The following BLTP1 variants were observed in gnomAD, a reference collection of about 807,000 sequenced individuals.
The protein encoded by BLTP1 is bridge-like lipid transfer protein family member 1.
chr4:122,227,661 ATTAG>A, the BLTP1 span: 1 of 184,340 alleles, frequency 5.4e-6, no homozygotes, highest in Admixed American at 6.5e-5. Context: ...GTGAATTGAA[ATTAG>A]TTCATCCTAC....
the BLTP1 span, chr4:122,196,599 T>C: frequency 6.5e-7 from 1 of 1,538,732 alleles, no homozygotes; most frequent in Non-Finnish European, 8.8e-7. Flanking sequence ...TTTGTTTGAA[T>C]AACATGTCAT....
chr4:122,217,250 G>A, the BLTP1 span, among the ~76,000 whole-genome samples: 17 of 152,122 alleles, frequency 1.1e-4, no homozygotes, highest in Non-Finnish European at 2.5e-4. Context: ...TTTTGGTAAT[G>A]ATAGCCTTGT....
At chr4:122,161,129 G>T in the BLTP1 span, 39 of 984,300 alleles carry the variant, frequency 4.0e-5, no homozygotes, top group South Asian at 1.4e-4. Context: ...TCTAAAGTTG[G>T]TTTATTTTCC....
chr4:122,152,433 G>A, the BLTP1 span: 2 of 985,848 alleles, frequency 2.0e-6, no homozygotes, highest in Non-Finnish European at 2.4e-6. Context: ...GGCCCCGGGC[G>A]GCGGGGCTAA....
chr4:122,183,732 A>AT, the BLTP1 span, among the ~76,000 whole-genome samples: 1 of 152,116 alleles, frequency 6.6e-6, no homozygotes, highest in Non-Finnish European at 1.5e-5. Flanking sequence ...GAGAAGATCA[A>AT]TTTTTTCCAA....
At chr4:122,200,962 G>A in the BLTP1 span, 5 of 1,592,548 alleles carry the variant, frequency 3.1e-6, no homozygotes, top group Non-Finnish European at 4.3e-6. Flanking sequence ...TTCACACAGT[G>A]TCACATTTTA....
chr4:122,229,002 G>A, the BLTP1 span: 3 of 856,496 alleles, frequency 3.5e-6, no homozygotes, highest in South Asian at 4.8e-5. Flanking sequence ...AAATTAGACT[G>A]ATTTTTAAAA....
the BLTP1 span, chr4:122,270,356 A>C: frequency 1.0e-6 from 1 of 984,734 alleles, no homozygotes; most frequent in Non-Finnish European, 1.2e-6. Flanking sequence ...ACCTTTTTAC[A>C]GTTTTGGTGC....
At chr4:122,254,892 G>A in the BLTP1 span, 2 of 1,613,754 alleles carry the variant, frequency 1.2e-6, no homozygotes, top group Non-Finnish European at 1.7e-6. Context: ...TAAACAAATT[G>A]GAAACTGAGG....
chr4:122,181,865 A>T, the BLTP1 span, among the ~76,000 whole-genome samples: 3 of 152,120 alleles, frequency 2.0e-5, no homozygotes, highest in African/African-American at 4.8e-5. Flanking sequence ...CTCTTCACCA[A>T]TGTTGTGCTC....
At chr4:122,282,302 A>G in the BLTP1 span, among the ~76,000 whole-genome samples, 1 of 152,178 alleles carries the variant, frequency 6.6e-6, no homozygotes, top group Non-Finnish European at 1.5e-5. Flanking sequence ...CTGTGAACTC[A>G]CCAACCCACA....
At chr4:122,341,168 TAGG>T in the BLTP1 span, among the ~76,000 whole-genome samples, 1 of 152,094 alleles carries the variant, frequency 6.6e-6, no homozygotes, top group Non-Finnish European at 1.5e-5. Flanking sequence ...GATATATTCT[TAGG>T]AGAAATTCTT....
chr4:122,286,758 G>A, the BLTP1 span: 4 of 1,613,158 alleles, frequency 2.5e-6, no homozygotes, highest in African/African-American at 4.0e-5. Context: ...ACTATTTACA[G>A]GGAAATTATC....
the BLTP1 span, chr4:122,325,238 T>C: frequency 6.2e-7 from 1 of 1,601,730 alleles, no homozygotes; most frequent in Non-Finnish European, 8.5e-7. Flanking sequence ...AGTTCTCGAG[T>C]AGGAGAAACT....
chr4:122,255,123 G>T, the BLTP1 span: 2 of 1,598,406 alleles, frequency 1.3e-6, no homozygotes, highest in Non-Finnish European at 1.7e-6. Context: ...GTTGTTTCTT[G>T]ATTTTAGAAT....
chr4:122,351,286 A>G, the BLTP1 span: 1 of 899,780 alleles, frequency 1.1e-6, no homozygotes, highest in Non-Finnish European at 1.3e-6. Flanking sequence ...AAATAAAACC[A>G]TCACATTCCA....
the BLTP1 span, chr4:122,348,659 A>G: frequency 1.1e-5 from 18 of 1,612,494 alleles, no homozygotes; most frequent in East Asian, 1.1e-4. Flanking sequence ...CGTGTTTGCT[A>G]TCAACTTGAA....
At chr4:122,249,512 T>C in the BLTP1 span, 1 of 1,613,588 alleles carries the variant, frequency 6.2e-7, no homozygotes, top group Non-Finnish European at 8.5e-7. Flanking sequence ...ATCACTGCTA[T>C]TCCTTTTGAG....
the BLTP1 span, chr4:122,224,455 G>T: frequency 6.4e-7 from 1 of 1,570,778 alleles, no homozygotes; most frequent in Admixed American, 1.8e-5. Flanking sequence ...ATTATAATGT[G>T]ATTTTCTTAT....
Sources: allele counts gnomAD v4.1 joint callset (sites outside exome capture counted in the v4.1 genomes callset), GRCh38; gene constraint gnomAD v4.1.1; transcripts MANE v1.5; gene names NCBI Gene and HGNC (gene_info 2026-07-23, HGNC 2026-07-21).